SPAG16: variants seen among roughly 807,000 people sequenced by gnomAD.
SPAG16 encodes the protein sperm associated antigen 16.
SPAG16 carries 86 observed loss-of-function variants against 80.4 expected under a neutral mutation model. The observed-to-expected ratio is 1.07, with a 90% confidence interval of 0.90 to 1.28. SPAG16 has a LOEUF of 1.28. Ranked by LOEUF, SPAG16 falls within the 50% of genes most tolerant of loss-of-function variation. The probability of loss-of-function intolerance (pLI) is 0.00; values close to 1 mark genes in which losing one functional copy is unlikely to be tolerated. For missense variants in SPAG16, 870 were observed against 765.3 expected, an observed-to-expected ratio of 1.14 and a Z score of -1.61; for synonymous variants, 294 against 265.9, an observed-to-expected ratio of 1.11 and a Z score of -1.03.
intron 13 of SPAG16, among the ~76,000 whole-genome samples, chr2:214,030,428 C>T (rs2048350621): frequency 6.6e-6 from 1 of 152,094 alleles, no homozygotes; most frequent in South Asian, 2.1e-4. Flanking sequence ...TGCCCATCAG[C>T]AGATAAATGG....
intron 15 of SPAG16, among the ~76,000 whole-genome samples, chr2:214,330,780 C>A (rs1696861485): frequency 6.6e-6 from 1 of 152,204 alleles, no homozygotes; most frequent in Non-Finnish European, 1.5e-5. Flanking sequence ...AAGGAGCCAA[C>A]ACTTTCTCAG....
chr2:213,874,059 A>G (rs759464938), intron 11 of SPAG16, among the ~76,000 whole-genome samples: 3 of 152,162 alleles, frequency 2.0e-5, no homozygotes, highest in Non-Finnish European at 4.4e-5. Context: ...GTAAAAATAC[A>G]GTATAAAAGA....
intron 15 of SPAG16, among the ~76,000 whole-genome samples, chr2:214,390,119 T>C (rs1700985876): frequency 1.3e-5 from 2 of 152,166 alleles, no homozygotes; most frequent in Admixed American, 1.3e-4. Flanking sequence ...AATTTTTCTC[T>C]CCAAAAATAT....
At chr2:213,548,872 G>T (rs1204783772) in intron 10 of SPAG16, among the ~76,000 whole-genome samples, 1 of 151,960 alleles carries the variant, frequency 6.6e-6, no homozygotes, top group East Asian at 1.9e-4. Flanking sequence ...CTTTTGAAGG[G>T]CTACTCCCGT....
chr2:214,196,831 C>T (rs1481935139), intron 15 of SPAG16, among the ~76,000 whole-genome samples: 1 of 151,886 alleles, frequency 6.6e-6, no homozygotes, highest in South Asian at 2.1e-4. Context: ...TGCACTGAAT[C>T]ATATAGCACA....
rs151258933 is a variant in SPAG16 at position 213,851,005 on chromosome 2, A to G, written c.1071-11480A>G. On this transcript the variant is annotated intron_variant, in intron 10 of 15. Coordinates refer to ENST00000331683, the MANE Select transcript of SPAG16 (RefSeq NM_024532.5). ...TTTAATAATTAATTTAATCACAGTT[A>G]GCTAAAATTTGACTTTATCCAACCT... is the stretch of plus-strand genomic sequence containing the variant. Among the ~76,000 whole-genome samples, 350 of 152,268 alleles carry G rather than the reference A, an allele frequency of 2.3e-3. 1 individual carries two copies. The highest frequency in any genetic ancestry group is 7.9e-3 in the African/African-American group (329 of 41,560).
At chr2:213,585,485 C>T (rs1470416423) in intron 10 of SPAG16, among the ~76,000 whole-genome samples, 1 of 151,962 alleles carries the variant, frequency 6.6e-6, no homozygotes, top group African/African-American at 2.4e-5. Flanking sequence ...CCATGTTGAC[C>T]AGGCTGGTCT....
intron 12 of SPAG16, among the ~76,000 whole-genome samples, chr2:214,005,801 G>T (rs1329976409): frequency 6.6e-6 from 1 of 152,150 alleles, no homozygotes; most frequent in African/African-American, 2.4e-5. Context: ...CCTGGCTAAG[G>T]TGCAAAATTC....
intron 10 of SPAG16, among the ~76,000 whole-genome samples, chr2:213,561,413 A>G (rs1210098041): frequency 6.6e-6 from 1 of 152,216 alleles, no homozygotes; most frequent in Non-Finnish European, 1.5e-5. Flanking sequence ...TAAAATAACT[A>G]AGAGTATATT....
intron 9 of SPAG16, among the ~76,000 whole-genome samples, chr2:213,478,013 C>A (rs1476560251): frequency 1.3e-5 from 2 of 152,092 alleles, no homozygotes; most frequent in Admixed American, 6.6e-5. Flanking sequence ...GTGAGTGGGT[C>A]TCACAAGATC....
chr2:214,295,509 G>A (rs1261066254), intron 15 of SPAG16, among the ~76,000 whole-genome samples: 2 of 152,170 alleles, frequency 1.3e-5, no homozygotes, highest in African/African-American at 2.4e-5. Flanking sequence ...GGGATATGAA[G>A]GCCAGGGACA....
At chr2:213,947,160 A>G (rs2079516460) in intron 12 of SPAG16, among the ~76,000 whole-genome samples, 2 of 152,206 alleles carry the variant, frequency 1.3e-5, no homozygotes, top group African/African-American at 4.8e-5. Flanking sequence ...ATGAGCATTT[A>G]CATATAGGTT....
intron 9 of SPAG16, among the ~76,000 whole-genome samples, chr2:213,415,012 C>A (rs1209777071): frequency 6.6e-6 from 1 of 152,230 alleles, no homozygotes; most frequent in Non-Finnish European, 1.5e-5. Context: ...ACCAGAAGAA[C>A]AATATGGGAA....
chr2:214,132,095 C>T (rs551906434), intron 14 of SPAG16, among the ~76,000 whole-genome samples: 1 of 152,096 alleles, frequency 6.6e-6, no homozygotes, highest in Admixed American at 6.5e-5. Flanking sequence ...AGAACCTAAA[C>T]CTGCTCTAAA....
intron 13 of SPAG16, among the ~76,000 whole-genome samples, chr2:214,051,049 A>G (rs1297093786): frequency 1.3e-5 from 2 of 152,226 alleles, no homozygotes; most frequent in African/African-American, 2.4e-5. Context: ...CCATGCAATC[A>G]TAGCAGTGTC....
chr2:214,108,309 A>G, intron 14 of SPAG16, 48 bp downstream of exon 14: 1 of 1,438,910 alleles, frequency 6.9e-7, no homozygotes, highest in Non-Finnish European at 9.6e-7. Flanking sequence ...TCATATATAC[A>G]AATTCATTTT....
At chr2:214,301,027 G>GTAT (rs2125953094) in intron 15 of SPAG16, among the ~76,000 whole-genome samples, 1 of 79,636 alleles carries the variant, frequency 1.3e-5, no homozygotes, top group South Asian at 5.3e-4. Flanking sequence ...AAAACTTAAA[G>GTAT]TATAATAATA....
At chr2:214,212,595 C>G (rs762486518) in intron 15 of SPAG16, among the ~76,000 whole-genome samples, 2 of 151,646 alleles carry the variant, frequency 1.3e-5, no homozygotes, top group Admixed American at 1.3e-4. Flanking sequence ...CTAAGTTAGA[C>G]CCCCATTGAT....
intron 9 of SPAG16, among the ~76,000 whole-genome samples, chr2:213,488,755 C>T (rs1330402367): frequency 6.6e-6 from 1 of 151,992 alleles, no homozygotes; most frequent in Non-Finnish European, 1.5e-5. Context: ...AATTTCTATA[C>T]GAATATGTAC....
Sources: gnomAD v4.1 joint callset for allele counts (sites outside exome capture counted in the v4.1 genomes callset) on GRCh38, gnomAD v4.1.1 for gene constraint, MANE v1.5 for transcripts, NCBI Gene and HGNC (gene_info 2026-07-23, HGNC 2026-07-21) for gene names.